The following INSYN1 variants were observed in gnomAD, a reference collection of about 807,000 sequenced individuals.
INSYN1 encodes the protein inhibitory synaptic factor 1.
Under a neutral mutation model 17.1 loss-of-function variants are expected in INSYN1, and 7 were observed. That is an observed-to-expected ratio of 0.41 (90% CI 0.23 to 0.77). INSYN1 has a LOEUF of 0.77. Among genes scored for constraint, INSYN1 ranks in the 30% least tolerant of loss-of-function variants. INSYN1 has a pLI of 0.32. For synonymous variants in INSYN1, 174 were observed against 166.3 expected (o/e 1.05, Z -0.36); for missense variants, 339 against 400.6 (o/e 0.85, Z 1.31).
chr15:73,751,054 C>T lies in INSYN1; in HGVS notation c.77G>A (p.Arg26Gln), dbSNP rs769380986. 7.4e-6 allele frequency: 12 copies of T among 1,614,102 alleles called. No homozygotes were observed. The highest frequency in any genetic ancestry group is 1.0e-5 in the Non-Finnish European group (12 of 1,180,034). The stretch of plus-strand genomic sequence containing the variant: ...CCCGATGACCATCTTCATGCGCTGT[C>T]GAATCCGCTCCCGCTCACCACCACT... ...PSSGGERERI[R>Q]QRMKMVIGQL... Residue 26 changes from arginine to glutamine, a missense_variant, in exon 2 of 3, where the codon CGA (arginine) becomes CAA (glutamine). Physicochemically the swap from Arg to Gln is conservative, Grantham distance 43. Transcript: ENST00000569673.
At position 73,745,679 on chromosome 15, in the gene INSYN1, A is replaced by G. The variant is rs150739450; in HGVS notation, c.157-5037T>C. 4.4e-3 allele frequency among the ~76,000 whole-genome samples: 675 copies of G among 152,300 alleles called. 3 individuals carry two copies. Among genetic ancestry groups the G allele is most frequent in the Non-Finnish European group, 8.3e-3 (565 of 68,018 alleles). Reference sequence around the variant, plus strand: ...TGTTGGATGAGTGATGAGTTGAGACAGATGGCTTAATAAAAACTACTCGGG... The same window carrying G: ...TGTTGGATGAGTGATGAGTTGAGACGGATGGCTTAATAAAAACTACTCGGG... On this transcript the variant is annotated intron_variant, in intron 2 of 2. Transcript: ENST00000569673.
At position 73,751,063 on chromosome 15, in the gene INSYN1, T is replaced by C; in HGVS notation, c.68A>G (p.Glu23Gly). 6.2e-7 allele frequency: 1 copy of C among 1,613,950 alleles called. No homozygotes were observed. Among genetic ancestry groups the C allele is most frequent in the Non-Finnish European group, 8.5e-7 (1 of 1,179,992 alleles). ...SDDPSSGGER[E>G]RIRQRMKMVI... Reference sequence around the variant, plus strand: ...CATCTTCATGCGCTGTCGAATCCGCTCCCGCTCACCACCACTGCTGGGGTC... The same window carrying C: ...CATCTTCATGCGCTGTCGAATCCGCCCCCGCTCACCACCACTGCTGGGGTC... The change falls in exon 2 of 3, where the codon GAG (glutamate) becomes GGG (glycine). Residue 23 changes from glutamate (E) to glycine (G), a missense_variant. Physicochemically the swap from Glu to Gly is moderately conservative, Grantham distance 98. Coordinates refer to ENST00000569673, the MANE Select transcript of INSYN1 (RefSeq NM_001039614.3).
rs1901543445 is a variant in INSYN1, at chr15:73,736,899, A to AAAAC, written c.*3017_*3018insGTTT. 6 of 152,664 alleles carry AAAAC rather than the reference A, an allele frequency of 3.9e-5. No individual in the cohort carries two copies. The highest frequency in any genetic ancestry group is 1.4e-4 in the African/African-American group (6 of 41,436). 9.5% of individuals were successfully genotyped at this position (152,664 alleles called of 1,614,324 possible). Reference sequence around the variant, plus strand: ...TGATAGAGGGAGACTCCATCTAAAAAAAAACAAAACAAAACAAAAACAAGA... The same window carrying AAAAC: ...TGATAGAGGGAGACTCCATCTAAAAAAAACAAAACAAAACAAAACAAAAACAAGA... On this transcript the variant is annotated 3_prime_UTR_variant, in exon 3 of 3. Coordinates refer to ENST00000569673, the MANE Select transcript of INSYN1 (RefSeq NM_001039614.3).
At position 73,746,851 on chromosome 15, in the gene INSYN1, C is replaced by T. The variant is rs114424426; in HGVS notation, c.156+4124G>A. On this transcript the variant is annotated intron_variant, in intron 2 of 2. Coordinates refer to ENST00000569673, the MANE Select transcript of INSYN1 (RefSeq NM_001039614.3). Reference sequence around the variant, plus strand: ...TCAAGGTAAGCTCAATACCTGGGGGCCAAGGACAGGGGCCCTTAACCCTGC... The same window carrying T: ...TCAAGGTAAGCTCAATACCTGGGGGTCAAGGACAGGGGCCCTTAACCCTGC... Among the ~76,000 whole-genome samples the T allele has an allele frequency of 3.0e-3, 453 of 152,194 alleles. 2 individuals carry two copies. The highest frequency in any genetic ancestry group is 0.01 in the African/African-American group (436 of 41,530).
In INSYN1 at chr15:73,740,660, G is replaced by A. The variant is rs370928508; in HGVS notation, c.157-18C>T. 52 of 1,584,392 alleles carry A rather than the reference G, an allele frequency of 3.3e-5. No individual in the cohort carries two copies. The highest frequency in any genetic ancestry group is 4.3e-5 in the Non-Finnish European group (50 of 1,163,202). ...CTCACCACCTGACCAGGGAAGGGGA[G>A]AGGAGATGAGAGGGGCCAGGTGGGT... On this transcript the variant is annotated intron_variant, in intron 2 of 2. Coordinates refer to ENST00000569673, the MANE Select transcript of INSYN1 (RefSeq NM_001039614.3).
chr15:73,740,663 G>A lies in INSYN1; in HGVS notation c.157-21C>T, dbSNP rs764184987. 8.8e-6 allele frequency: 14 copies of A among 1,585,054 alleles called. No homozygotes were observed. The South Asian group carries it at 1.6e-4, about 18-fold the overall frequency. ...ACCACCTGACCAGGGAAGGGGAGAG[G>A]AGATGAGAGGGGCCAGGTGGGTCCC... On this transcript the variant is annotated intron_variant, in intron 2 of 2. Coordinates refer to ENST00000569673, the MANE Select transcript of INSYN1 (RefSeq NM_001039614.3).
intron 2 of INSYN1, among the ~76,000 whole-genome samples, chr15:73,743,153 G>A (rs1004473824): frequency 6.6e-6 from 1 of 152,232 alleles, no homozygotes; most frequent in Non-Finnish European, 1.5e-5. Flanking sequence ...TGCATGACTT[G>A]GCTGTGACCT....
chr15:73,740,754 G>A, intron 2 of INSYN1, 112 bp from the exon 3 acceptor site: 1 of 878,480 alleles, frequency 1.1e-6, no homozygotes, highest in Non-Finnish European at 1.8e-6. Flanking sequence ...TGAGCGTACT[G>A]GACAGGGGAG....
intron 2 of INSYN1, among the ~76,000 whole-genome samples, chr15:73,746,854 AG>A (rs1029917249): frequency 1.3e-5 from 2 of 152,246 alleles, no homozygotes; most frequent in African/African-American, 4.8e-5. Context: ...CTGGGGGCCA[AG>A]GACAGGGGCC....
At position 73,753,315 on chromosome 15, in the gene INSYN1, T is replaced by A. The variant is rs1385540903; in HGVS notation, c.-1773A>T. The stretch of plus-strand genomic sequence containing the variant: ...TCCCTTAAAGGCCGCCCGGCTCGCT[T>A]GGCTCCGCTTGCCTCGGCGCTGTCA... On this transcript the variant is annotated 5_prime_UTR_variant, in exon 1 of 3. Transcript: ENST00000569673. This position sits in a 1 kb window ranked among gnomAD's most constrained non-coding sequence, Gnocchi z 4.2. 1.3e-5 allele frequency among the ~76,000 whole-genome samples: 2 copies of A among 150,498 alleles called. No individual in the cohort carries two copies. The highest frequency in any genetic ancestry group is 3.0e-5 in the Non-Finnish European group (2 of 67,526).
At chr15:73,743,014 G>A (rs1377329107) in intron 2 of INSYN1, among the ~76,000 whole-genome samples, 2 of 152,224 alleles carry the variant, frequency 1.3e-5, no homozygotes, top group African/African-American at 4.8e-5. Flanking sequence ...TCAAGGCATT[G>A]ATGGCCTCAG....
chr15:73,744,854 C>T (rs1050554001), intron 2 of INSYN1, among the ~76,000 whole-genome samples: 1 of 151,982 alleles, frequency 6.6e-6, no homozygotes, highest in East Asian at 1.9e-4. Flanking sequence ...ATGTGTTTGC[C>T]GAGGGGGGCA....
Position 73,751,007 on chromosome 15 carries a change from C to T in INSYN1, c.124G>A (p.Glu42Lys), listed in dbSNP as rs1183249847. The T allele has an allele frequency of 1.9e-6, 3 of 1,614,102 alleles. No individual in the cohort carries two copies. In the South Asian group the frequency reaches 3.3e-5, roughly 18 times the overall value. Residue 42 changes from glutamate to lysine, a missense_variant, in exon 2 of 3, where the codon GAG becomes AAG. Glu to Lys is a moderately conservative substitution (Grantham distance 56). Transcript: ENST00000569673. The part of the protein sequence containing the change: ...VIGQLEGILR[E>K]LKEVAKELRE... ...AGCTCCTTGGCCACCTCCTTGAGCTCGCGAAGGATGCCCTCAAGCTGCCCG... is the reference window on the plus strand; with the variant it reads ...AGCTCCTTGGCCACCTCCTTGAGCTTGCGAAGGATGCCCTCAAGCTGCCCG...
intron 2 of INSYN1, among the ~76,000 whole-genome samples, chr15:73,747,755 A>G (rs1422611382): frequency 6.6e-6 from 1 of 152,160 alleles, no homozygotes; most frequent in African/African-American, 2.4e-5. Flanking sequence ...CTTACTTAAG[A>G]TCTACAGAAC....
In INSYN1 at chr15:73,750,979, C is replaced by T. The variant is rs1567037855; in HGVS notation, c.152G>A (p.Arg51Lys). Residue 51 changes from arginine to lysine, a missense_variant, in exon 2 of 3, where the codon AGG becomes AAG. Physicochemically the swap from Arg to Lys is conservative, Grantham distance 26. Coordinates refer to ENST00000569673, the MANE Select transcript of INSYN1 (RefSeq NM_001039614.3). ...CCCTCCTCACCCCTCACTTACCTCC[C>T]TCAGCTCCTTGGCCACCTCCTTGAG... ...RELKEVAKEL[R>K]EVVSQIDKLT... is the part of the protein sequence containing the mutation. 3 of 1,614,112 alleles carry T rather than the reference C, an allele frequency of 1.9e-6. No individual in the cohort carries two copies. The highest frequency in any genetic ancestry group is 2.2e-5 in the South Asian group (2 of 91,082).
intron 2 of INSYN1, among the ~76,000 whole-genome samples, chr15:73,745,016 C>T: frequency 7.1e-6 from 1 of 141,696 alleles, no homozygotes; most frequent in African/African-American, 2.4e-5. Flanking sequence ...TGTGGCAGAA[C>T]CTGCAAACCT....
chr15:73,748,680 C>T (rs570982916), intron 2 of INSYN1, among the ~76,000 whole-genome samples: 3 of 152,312 alleles, frequency 2.0e-5, no homozygotes, highest in Middle Eastern at 3.4e-3. Context: ...TTCTCCAAAC[C>T]GGGGTCTGGC....
At chr15:73,750,533 C>T (rs1901950856) in intron 2 of INSYN1, among the ~76,000 whole-genome samples, 1 of 152,186 alleles carries the variant, frequency 6.6e-6, no homozygotes, top group African/African-American at 2.4e-5. Context: ...TGAGCTGGGC[C>T]TCAAGCAGTG....
chr15:73,740,113 C>T lies in INSYN1; in HGVS notation c.686G>A (p.Gly229Asp). ...GGGGGCTGGGGAGGGCTTGTGGGGG[C>T]CTGCATGGGCCTCTGTATGGGCAGG... ...PEPAHTEAHA[G>D]PHKPSPAPYK... Residue 229 changes from glycine to aspartate, a missense_variant, in exon 3 of 3, where the codon GGC becomes GAC. Physicochemically the swap from Gly to Asp is moderately conservative, Grantham distance 94. Transcript: ENST00000569673. 6.2e-7 allele frequency: 1 copy of T among 1,613,746 alleles called. No homozygotes were observed. Among genetic ancestry groups the T allele is most frequent in the East Asian group, 2.2e-5 (1 of 44,860 alleles).
Sources: allele counts gnomAD v4.1 joint callset (sites outside exome capture counted in the v4.1 genomes callset), GRCh38; gene constraint gnomAD v4.1.1; non-coding constraint Gnocchi (gnomAD v3.1); transcripts MANE v1.5; gene names NCBI Gene and HGNC (gene_info 2026-07-23, HGNC 2026-07-21).